KMT2A: variants seen among roughly 807,000 people sequenced by gnomAD.
KMT2A encodes histone-lysine N-methyltransferase 2A.
KMT2A carries 16 observed loss-of-function variants against 345.3 expected under a neutral mutation model. That is an observed-to-expected ratio of 0.05 (90% CI 0.03 to 0.07). The LOEUF is 0.07. Among genes scored for constraint, KMT2A ranks in the 10% least tolerant of loss-of-function variants. The pLI is 1.00. For missense variants in KMT2A, 3,272 were observed against 4,841.6 expected (o/e 0.68, Z 9.62); for synonymous variants, 1,599 against 1,778.6 (o/e 0.90, Z 2.54).
At chr11:118,508,381 T>A (rs7113959) in intron 28 of KMT2A, among the ~76,000 whole-genome samples, 11,789 of 152,264 alleles carry the variant, frequency 0.077, 608 homozygotes, top group African/African-American at 0.13. Context: ...ATCTACAATA[T>A]TTTAATGAGT....
Position 118,491,218 on chromosome 11 carries a change from C to T in KMT2A, c.4719C>T (p.Asp1573=). The T allele has an allele frequency of 1.9e-6, 3 of 1,613,470 alleles. No homozygotes were observed. The highest frequency in any genetic ancestry group is 2.5e-6 in the Non-Finnish European group (3 of 1,179,764). The change falls in exon 14 of 36, where the codon GAC becomes GAT. Residue 1573 remains aspartate (D), a synonymous_variant. Coordinates refer to ENST00000534358, the MANE Select transcript of KMT2A (RefSeq NM_001197104.2). This position sits in a 1 kb window ranked among gnomAD's most constrained non-coding sequence, Gnocchi z 4.2. Reference sequence around the variant, plus strand: ...CAGGAAACTTCTGCCCTCTCTGTGACAAATGTTATGATGATGATGACTATG... The same window carrying T: ...CAGGAAACTTCTGCCCTCTCTGTGATAAATGTTATGATGATGATGACTATG... ...FAKGNFCPLC[D]KCYDDDDYES... is the part of the protein sequence containing the mutation.
Position 118,488,661 on chromosome 11 carries a change from A to G in KMT2A, c.4380A>G (p.Leu1460=), listed in dbSNP as rs782160804. The G allele has an allele frequency of 1.9e-6, 3 of 1,614,052 alleles. No individual in the cohort carries two copies. Among genetic ancestry groups the G allele is most frequent in the Non-Finnish European group, 2.5e-6 (3 of 1,180,012 alleles). ...GTGAGCCCTTCCACAAGTTTTGTTT[A>G]GAGGAGAACGAGCGCCCTCTGGAGG... The part of the protein sequence containing the change: ...VCCEPFHKFC[L]EENERPLEDQ... The change falls in exon 11 of 36, where the codon TTA becomes TTG. Residue 1460 remains leucine, a synonymous_variant. Transcript: ENST00000534358.
At position 118,523,294 on chromosome 11, in the gene KMT2A, T is replaced by C. The variant is rs559471742; in HGVS notation, c.*1122T>C. On this transcript the variant is annotated 3_prime_UTR_variant, in exon 36 of 36. Transcript: ENST00000534358. ...GAAGACTTAATTTTTAAACGGTCAG[T>C]GTCCAGTTGAAGGCAGAACACTAAT... 4.4e-6 allele frequency: 1 copy of C among 229,436 alleles called. No individual in the cohort carries two copies. Among genetic ancestry groups the C allele is most frequent in the South Asian group, 1.8e-4 (1 of 5,492 alleles). 14.2% of individuals were successfully genotyped at this position (229,436 alleles called of 1,614,324 possible).
At chr11:118,460,646 AT>A (rs1949728717) in intron 1 of KMT2A, among the ~76,000 whole-genome samples, 4 of 151,906 alleles carry the variant, frequency 2.6e-5, no homozygotes, top group Admixed American at 2.6e-4. Flanking sequence ...TACACATAGT[AT>A]TTTATCCTTC....
Position 118,509,210 on chromosome 11 carries a change from TG to T in KMT2A, c.10900+13del. The T allele has an allele frequency of 6.2e-7, 1 of 1,608,840 alleles. No individual in the cohort carries two copies. The highest frequency in any genetic ancestry group is 2.2e-5 in the East Asian group (1 of 44,828). On this transcript the variant is annotated intron_variant, in intron 29 of 35. Transcript: ENST00000534358. ...GAACAAGAAAGTGCAGGTATGTGGG[TG>T]GGTAAAAGGTTAGAATCAGAGAATA...
chr11:118,481,569 C>T, intron 6 of KMT2A, 146 bp from the exon 7 acceptor site: 1 of 796,592 alleles, frequency 1.3e-6, no homozygotes. Flanking sequence ...CATGAGAGTG[C>T]AGATATCTCT....
chr11:118,456,972 A>G (rs1949655912), intron 1 of KMT2A, among the ~76,000 whole-genome samples: 1 of 152,062 alleles, frequency 6.6e-6, no homozygotes, highest in Non-Finnish European at 1.5e-5. Context: ...CACTCCCTTA[A>G]ACCTTTATAT....
intron 5 of KMT2A, among the ~76,000 whole-genome samples, chr11:118,478,506 G>A (rs1950076779): frequency 6.6e-6 from 1 of 152,214 alleles, no homozygotes; most frequent in Admixed American, 6.5e-5. Flanking sequence ...CGCTTGACAT[G>A]TGATTAGTGT....
Position 118,484,813 on chromosome 11 carries a change from A to G in KMT2A, c.4219-49A>G. 1 of 1,209,084 alleles carries G rather than the reference A, an allele frequency of 8.3e-7. No homozygotes were observed. Among genetic ancestry groups the G allele is most frequent in the East Asian group, 2.3e-5 (1 of 42,952 alleles). 74.9% of individuals were successfully genotyped at this position (1,209,084 alleles called of 1,614,324 possible). ...GCTTTTCATCCTTATTTTCCATCCA[A>G]AGTTGTGTAATTGTAAAACTTTCCT... On this transcript the variant is annotated intron_variant, in intron 9 of 35. Coordinates refer to ENST00000534358, the MANE Select transcript of KMT2A (RefSeq NM_001197104.2). This position sits in a 1 kb window ranked among gnomAD's most constrained non-coding sequence, Gnocchi z 4.1.
At position 118,471,886 on chromosome 11, in the gene KMT2A, G is replaced by A. The variant is rs531494566; in HGVS notation, c.727G>A (p.Glu243Lys). The change falls in exon 3 of 36, where the codon GAG becomes AAG. Residue 243 changes from glutamate (E) to lysine (K), a missense_variant. Around this residue, in one of 27 missense-constraint regions of KMT2A, gnomAD observed 412 missense variants for 511.0 expected, o/e 0.81. Coordinates refer to ENST00000534358, the MANE Select transcript of KMT2A (RefSeq NM_001197104.2). ...AATAACACATGGAAAGGACATTTCAGAGTTACCAAAGGGAAACAAAGAAGA... is the reference window on the plus strand; with the variant it reads ...AATAACACATGGAAAGGACATTTCAAAGTTACCAAAGGGAAACAAAGAAGA... The part of the protein sequence containing the change: ...IKITHGKDIS[E>K]LPKGNKEDSL... 33 of 1,613,398 alleles carry A rather than the reference G, an allele frequency of 2.0e-5. 1 individual carries two copies. In the Middle Eastern group the frequency reaches 4.9e-4, roughly 24 times the overall value.
At position 118,520,676 on chromosome 11, in the gene KMT2A, T is replaced by G; in HGVS notation, c.11430-126T>G. The stretch of plus-strand genomic sequence containing the variant: ...AAAAAAAAAAGGGGGGCGCTCATTT[T>G]ATAAGGCACTCGTTCAGTTTGGCAT... On this transcript the variant is annotated intron_variant, in intron 33 of 35. Transcript: ENST00000534358. This position sits in a 1 kb window ranked among gnomAD's most constrained non-coding sequence, Gnocchi z 4.3. The G allele has an allele frequency of 1.5e-6, 1 of 689,168 alleles. No homozygotes were observed. Among genetic ancestry groups the G allele is most frequent in the Non-Finnish European group, 2.5e-6 (1 of 397,004 alleles). The allele number at this position is 689,168 out of a possible 1,614,324, so 42.7% of individuals were successfully genotyped here.
intron 4 of KMT2A, among the ~76,000 whole-genome samples, chr11:118,477,488 A>T (rs1411884534): frequency 7.4e-6 from 1 of 135,286 alleles, no homozygotes; most frequent in Non-Finnish European, 1.5e-5. Flanking sequence ...ATCAAGATGC[A>T]AGTTATTGGC....
At chr11:118,453,723 G>C (rs782131280) in intron 1 of KMT2A, among the ~76,000 whole-genome samples, 1 of 152,094 alleles carries the variant, frequency 6.6e-6, no homozygotes. Flanking sequence ...GCTATATTCT[G>C]AGCACTTCAC....
Position 118,499,314 on chromosome 11 carries a change from G to T in KMT2A, c.5973G>T (p.Glu1991Asp). 6.2e-7 allele frequency: 1 copy of T among 1,611,760 alleles called. No individual in the cohort carries two copies. The change falls in exon 23 of 36, where the codon GAG (glutamate) becomes GAT (aspartate). Residue 1991 changes from glutamate to aspartate, a missense_variant. Glu to Asp is a conservative substitution (Grantham distance 45). Coordinates refer to ENST00000534358, the MANE Select transcript of KMT2A (RefSeq NM_001197104.2). ...RDLIKGEVVP[E>D]NGFEVFRRVF... ...GGGTTTTATTTAAGGTGGTTCCTGAGAATGGATTTGAAGTTTTCAGAAGAG... is the reference window on the plus strand; with the variant it reads ...GGGTTTTATTTAAGGTGGTTCCTGATAATGGATTTGAAGTTTTCAGAAGAG...
chr11:118,456,804 G>C (rs1555031031), intron 1 of KMT2A, among the ~76,000 whole-genome samples: 1 of 152,048 alleles, frequency 6.6e-6, no homozygotes, highest in Non-Finnish European at 1.5e-5. Flanking sequence ...ATACCCTTTA[G>C]ACAACGTGGA....
At chr11:118,483,156 C>G (rs1181501948) in intron 8 of KMT2A, among the ~76,000 whole-genome samples, 2 of 151,488 alleles carry the variant, frequency 1.3e-5, no homozygotes, top group Non-Finnish European at 2.9e-5. Context: ...TTGCCTGAAC[C>G]TGCGAGGCGG....
intron 32 of KMT2A, 72 bp from the exon 33 acceptor site, chr11:118,519,885 G>C: frequency 3.8e-6 from 6 of 1,560,512 alleles, no homozygotes; most frequent in East Asian, 2.2e-5. Flanking sequence ...GAGATTTCCA[G>C]TTTTAATGCC....
intron 22 of KMT2A, 110 bp from the exon 23 acceptor site, chr11:118,499,192 GA>G (rs1555044936): frequency 9.5e-6 from 7 of 739,976 alleles, no homozygotes; most frequent in African/African-American, 1.7e-5. Flanking sequence ...AAGTGAAACA[GA>G]AGGATGCTTT....
intron 10 of KMT2A, among the ~76,000 whole-genome samples, chr11:118,485,424 C>T (rs539696770): frequency 2.6e-5 from 4 of 151,846 alleles, no homozygotes; most frequent in Non-Finnish European, 4.4e-5. Flanking sequence ...GAAATAAATA[C>T]ATGTTGGGTG....
Sources: allele counts gnomAD v4.1 joint callset (sites outside exome capture counted in the v4.1 genomes callset), GRCh38; gene constraint gnomAD v4.1.1; regional missense constraint gnomAD v4.1.1; non-coding constraint Gnocchi (gnomAD v3.1); transcripts MANE v1.5; gene names NCBI Gene and HGNC (gene_info 2026-07-23, HGNC 2026-07-21).